The following CDH18 variants were observed in gnomAD, a reference collection of about 807,000 sequenced individuals.
CDH18 encodes cadherin 18, also known as cadherin-18.
CDH18 carries 31 observed loss-of-function variants against 67.9 expected under a neutral mutation model. The ratio of observed to expected loss-of-function variants is 0.46; its 90% CI spans 0.34 to 0.62. The LOEUF (loss-of-function observed/expected upper bound fraction) is 0.62. CDH18 is among the 20% of genes least tolerant of loss of function. The pLI is 0.01. For synonymous variants in CDH18, 362 were observed against 347.2 expected, an observed-to-expected ratio of 1.04 and a Z score of -0.48; for missense variants, 890 against 975.5, an observed-to-expected ratio of 0.91 and a Z score of 1.17.
intron 4 of CDH18, among the ~76,000 whole-genome samples, chr5:19,728,182 C>A (rs80007394): frequency 6.6e-6 from 1 of 152,090 alleles, no homozygotes; most frequent in African/African-American, 2.4e-5. Flanking sequence ...AGATATTAAA[C>A]CAACAGTTCC....
chr5:20,011,120 T>C (rs1390558461), intron 2 of CDH18, among the ~76,000 whole-genome samples: 3 of 152,136 alleles, frequency 2.0e-5, no homozygotes, highest in Admixed American at 2.0e-4. Context: ...TAAATCAAAA[T>C]AATCATTCAT....
At chr5:20,293,283 C>T (rs1256560708) in intron 1 of CDH18, among the ~76,000 whole-genome samples, 1 of 152,054 alleles carries the variant, frequency 6.6e-6, no homozygotes, top group Non-Finnish European at 1.5e-5. Flanking sequence ...CGCCATTGCA[C>T]TCCAGCCTTG....
chr5:20,008,312 C>T (rs1737103287), intron 2 of CDH18, among the ~76,000 whole-genome samples: 1 of 152,050 alleles, frequency 6.6e-6, no homozygotes, highest in South Asian at 2.1e-4. Flanking sequence ...TATTTTGGGG[C>T]TGCACTGAAT....
In CDH18 at chr5:19,741,330, TCACACACA is replaced by T. The variant is rs60803879; in HGVS notation, c.523+5604_523+5611del. On this transcript the variant is annotated intron_variant, in intron 4 of 12. Coordinates refer to ENST00000382275, the MANE Select transcript of CDH18 (RefSeq NM_004934.5). ...ATATATACATGTGTATATACATGTC[TCACACACA>T]CACACACACACACACACACACACAT... is the stretch of plus-strand genomic sequence containing the variant. 6.0e-3 allele frequency among the ~76,000 whole-genome samples: 871 copies of T among 145,278 alleles called. 5 individuals are homozygous for T. Among genetic ancestry groups the T allele is most frequent in the African/African-American group, 0.016 (638 of 39,196 alleles).
chr5:20,530,126 C>G (rs563511933), intron 1 of CDH18, among the ~76,000 whole-genome samples: 3 of 152,000 alleles, frequency 2.0e-5, no homozygotes, highest in African/African-American at 7.2e-5. Flanking sequence ...CATGAATGAA[C>G]TCCCATTCAC....
intron 1 of CDH18, among the ~76,000 whole-genome samples, chr5:20,307,252 A>G (rs1311987225): frequency 6.6e-6 from 1 of 152,142 alleles, no homozygotes; most frequent in Non-Finnish European, 1.5e-5. Flanking sequence ...TCATTGAGGA[A>G]ATTTTGGCAG....
chr5:19,605,649 G>A (rs928598254), intron 6 of CDH18, among the ~76,000 whole-genome samples: 28 of 152,162 alleles, frequency 1.8e-4, no homozygotes, highest in African/African-American at 6.7e-4. Context: ...TATAGAAAAT[G>A]ACTGTTTTAA....
intron 1 of CDH18, among the ~76,000 whole-genome samples, chr5:20,294,183 A>G (rs908170364): frequency 5.3e-5 from 8 of 152,208 alleles, no homozygotes; most frequent in Non-Finnish European, 1.0e-4. Flanking sequence ...AAGCATTTCA[A>G]TGCCCACTTC....
intron 11 of CDH18, among the ~76,000 whole-genome samples, chr5:19,500,714 G>A (rs1441246972): frequency 2.0e-5 from 3 of 152,090 alleles, no homozygotes; most frequent in African/African-American, 7.2e-5. Context: ...ATAGTTAAAT[G>A]TTAAAAAATG....
At position 20,376,091 on chromosome 5, in the gene CDH18, A is replaced by ATTTTTTTTTTTT. The variant is rs562655039; in HGVS notation, c.-579-120598_-579-120587dup. On this transcript the variant is annotated intron_variant, in intron 1 of 14. Coordinates refer to the CDH18 transcript ENST00000507958. ...ACAGTAAGCAATTTAAAAAGAAACA[A>ATTTTTTTTTTTT]TTTTTTTTTTTTTTTTTTTTGAGAC... is the stretch of plus-strand genomic sequence containing the variant. 0.018 allele frequency among the ~76,000 whole-genome samples: 901 copies of ATTTTTTTTTTTT among 49,686 alleles called. 318 individuals are homozygous for ATTTTTTTTTTTT. In the East Asian group the frequency reaches 0.26, roughly 14 times the overall value. 32.6% of individuals were successfully genotyped at this position (49,686 alleles called of 152,430 possible). A position where few individuals can be genotyped will look rare whatever the true frequency, so the allele number is the denominator to read the frequency against.
chr5:19,964,468 T>C (rs1797228576), intron 2 of CDH18, among the ~76,000 whole-genome samples: 1 of 150,242 alleles, frequency 6.7e-6, no homozygotes, highest in Non-Finnish European at 1.5e-5. Context: ...TGTGGTGGCA[T>C]GTGCCTGTAG....
chr5:20,557,167 G>A (rs902546120), intron 1 of CDH18, among the ~76,000 whole-genome samples: 6 of 147,104 alleles, frequency 4.1e-5, no homozygotes, highest in Non-Finnish European at 7.4e-5. Context: ...TGAGAAATGT[G>A]TTAGTGTTTT....
Position 20,296,261 on chromosome 5 carries a change from G to GT in CDH18, c.-579-40757dup, listed in dbSNP as rs988035231. Among the ~76,000 whole-genome samples, 431 of 135,760 alleles carry GT rather than the reference G, an allele frequency of 3.2e-3. 3 individuals carry two copies. Among genetic ancestry groups the GT allele is most frequent in the African/African-American group, 5.9e-3 (220 of 37,102 alleles). The allele number at this position is 135,760 out of a possible 152,430, so 89.1% of individuals were successfully genotyped here. A position where few individuals can be genotyped will look rare whatever the true frequency, so the allele number is the denominator to read the frequency against. On this transcript the variant is annotated intron_variant, in intron 1 of 14. Transcript: ENST00000507958. ...TTTTGTTTGTTTGTTTTTGTTTTTT[G>GT]TTTTTTTTTTGAGAGGGAGTCTCAC...
intron 5 of CDH18, among the ~76,000 whole-genome samples, chr5:19,626,482 T>A (rs1232614659): frequency 6.6e-6 from 1 of 152,152 alleles, no homozygotes; most frequent in Non-Finnish European, 1.5e-5. Flanking sequence ...TCCTGAGCAC[T>A]ATAAACAGTT....
intron 9 of CDH18, among the ~76,000 whole-genome samples, chr5:19,528,198 T>C (rs1470365928): frequency 6.6e-6 from 1 of 151,798 alleles, no homozygotes; most frequent in Non-Finnish European, 1.5e-5. Context: ...TTAACATGTT[T>C]TTTCTATCTT....
chr5:19,520,943 A>G (rs1746806356), intron 9 of CDH18, among the ~76,000 whole-genome samples, 165 bp from the exon 10 acceptor site: 1 of 152,164 alleles, frequency 6.6e-6, no homozygotes, highest in Admixed American at 6.5e-5. Context: ...GAACTCATTA[A>G]CTTACAGGAA....
intron 2 of CDH18, among the ~76,000 whole-genome samples, chr5:19,915,254 T>C (rs1791630395): frequency 6.6e-6 from 1 of 152,172 alleles, no homozygotes. Flanking sequence ...GTTGTCTTTC[T>C]TTTCTTCAAG....
chr5:19,509,600 A>AT (rs895530199), intron 10 of CDH18, among the ~76,000 whole-genome samples: 16 of 152,084 alleles, frequency 1.1e-4, no homozygotes. Context: ...GACCTAGTTA[A>AT]TTTTTTCATG....
At chr5:19,852,147 G>T (rs940785347) in intron 2 of CDH18, among the ~76,000 whole-genome samples, 1 of 152,006 alleles carries the variant, frequency 6.6e-6, no homozygotes, top group Non-Finnish European at 1.5e-5. Context: ...CCAGGTGGTA[G>T]ATTAACCAGG....
Sources: allele counts gnomAD v4.1 joint callset (sites outside exome capture counted in the v4.1 genomes callset), GRCh38; gene constraint gnomAD v4.1.1; transcripts MANE v1.5; gene names NCBI Gene and HGNC (gene_info 2026-07-23, HGNC 2026-07-21).